The following NXPH1 variants were observed in gnomAD, a reference collection of about 807,000 sequenced individuals.
The protein encoded by NXPH1 is neurexophilin 1.
A neutral mutation model predicts 23.7 loss-of-function variants in NXPH1; 5 were observed. That is an observed-to-expected ratio of 0.21 (90% CI 0.11 to 0.44). The LOEUF is 0.44. Ranked by LOEUF, NXPH1 falls within the 20% of genes least tolerant of loss-of-function variation. The pLI, the probability that NXPH1 is intolerant of heterozygous loss-of-function variation, is 0.99. For missense variants in NXPH1, 324 were observed against 321.6 expected, an observed-to-expected ratio of 1.01 and a Z score of -0.06; for synonymous variants, 144 against 122.2, an observed-to-expected ratio of 1.18 and a Z score of -1.18.
chr7:8,743,772 C>T (rs1780411795), intron 2 of NXPH1, among the ~76,000 whole-genome samples: 1 of 151,732 alleles, frequency 6.6e-6, no homozygotes, highest in Non-Finnish European at 1.5e-5. Context: ...CAAGCTCCGC[C>T]TCCCGAGTTC....
chr7:8,726,043 A>C (rs892396957), intron 2 of NXPH1, among the ~76,000 whole-genome samples: 5 of 152,182 alleles, frequency 3.3e-5, no homozygotes, highest in Non-Finnish European at 7.3e-5. Context: ...AGAGTGTGTT[A>C]ATTTAGGCAT....
At chr7:8,510,965 G>A (rs2128613940) in intron 2 of NXPH1, among the ~76,000 whole-genome samples, 1 of 152,128 alleles carries the variant, frequency 6.6e-6, no homozygotes, top group Admixed American at 6.6e-5. Flanking sequence ...CCTGTAGTAT[G>A]CTGCTACTAG....
chr7:8,657,668 C>T lies in NXPH1; in HGVS notation c.55-93340C>T, dbSNP rs376417293. ...AGCAGCAGGAGATGTCAGGGATATT[C>T]CCAATGTTATAAACTTCAAAAATTA... On this transcript the variant is annotated intron_variant, in intron 2 of 2. Coordinates refer to ENST00000405863, the MANE Select transcript of NXPH1 (RefSeq NM_152745.3). 2.9e-4 allele frequency among the ~76,000 whole-genome samples: 44 copies of T among 152,300 alleles called. 1 individual carries two copies. The South Asian group carries it at 8.7e-3, about 30-fold the overall frequency.
chr7:8,551,483 C>T (rs1319583501), intron 2 of NXPH1, among the ~76,000 whole-genome samples: 7 of 151,372 alleles, frequency 4.6e-5, no homozygotes, highest in Non-Finnish European at 8.9e-5. Context: ...TTTATAATAT[C>T]TTATAAAATG....
intron 2 of NXPH1, among the ~76,000 whole-genome samples, chr7:8,657,005 C>G (rs550182756): frequency 6.6e-6 from 1 of 152,106 alleles, no homozygotes; most frequent in Admixed American, 6.5e-5. Context: ...GAGTAAGATT[C>G]GAGTTTCCAC....
chr7:8,746,390 G>C (rs927589345), intron 2 of NXPH1, among the ~76,000 whole-genome samples: 5 of 152,142 alleles, frequency 3.3e-5, no homozygotes, highest in African/African-American at 1.2e-4. Context: ...GTTCCAGAGA[G>C]GCTTCCTGAC....
chr7:8,587,340 T>G (rs556625365), intron 2 of NXPH1, among the ~76,000 whole-genome samples: 1 of 152,054 alleles, frequency 6.6e-6, no homozygotes, highest in African/African-American at 2.4e-5. Flanking sequence ...TTTGCTATGT[T>G]GCCCAGGCTG....
At chr7:8,734,047 T>G (rs938356620) in intron 2 of NXPH1, among the ~76,000 whole-genome samples, 5 of 152,216 alleles carry the variant, frequency 3.3e-5, no homozygotes, top group Non-Finnish European at 5.9e-5. Context: ...AGTTAATTTT[T>G]GTATAAGGTG....
chr7:8,628,172 ATTACT>A (rs1389568720), intron 2 of NXPH1, among the ~76,000 whole-genome samples: 1 of 152,134 alleles, frequency 6.6e-6, no homozygotes. Flanking sequence ...GAATATGTGG[ATTACT>A]TAGTAACTAC....
At chr7:8,638,365 A>G (rs1434076160) in intron 2 of NXPH1, among the ~76,000 whole-genome samples, 1 of 152,140 alleles carries the variant, frequency 6.6e-6, no homozygotes, top group Non-Finnish European at 1.5e-5. Context: ...CGGGCCAACA[A>G]CCACTGGGGA....
intron 2 of NXPH1, among the ~76,000 whole-genome samples, chr7:8,445,920 A>T (rs1458068456): frequency 6.6e-6 from 1 of 152,234 alleles, no homozygotes; most frequent in Non-Finnish European, 1.5e-5. Flanking sequence ...CAATGGCATG[A>T]TAGCTGAAAT....
At chr7:8,661,930 C>A (rs989791811) in intron 2 of NXPH1, among the ~76,000 whole-genome samples, 8 of 151,446 alleles carry the variant, frequency 5.3e-5, no homozygotes, top group Non-Finnish European at 7.4e-5. Context: ...GTATCCCCCC[C>A]AAAAAACAAA....
chr7:8,637,185 C>T (rs527451707), intron 2 of NXPH1, among the ~76,000 whole-genome samples: 1 of 151,806 alleles, frequency 6.6e-6, no homozygotes, highest in Admixed American at 6.6e-5. Context: ...ATGTCCCTTA[C>T]ACTTCATATT....
chr7:8,686,358 G>A (rs956266867), intron 2 of NXPH1, among the ~76,000 whole-genome samples: 1 of 152,016 alleles, frequency 6.6e-6, no homozygotes, highest in Non-Finnish European at 1.5e-5. Flanking sequence ...TGGTAGTTCA[G>A]GAAAATTTAA....
intron 2 of NXPH1, among the ~76,000 whole-genome samples, chr7:8,647,010 G>T (rs1282316291): frequency 6.6e-6 from 1 of 152,058 alleles, no homozygotes; most frequent in African/African-American, 2.4e-5. Context: ...AGGAGTATCA[G>T]ATGGGACCAT....
chr7:8,600,826 G>T (rs1189092051), intron 2 of NXPH1, among the ~76,000 whole-genome samples: 1 of 151,958 alleles, frequency 6.6e-6, no homozygotes, highest in African/African-American at 2.4e-5. Flanking sequence ...AGTATATACA[G>T]TTGTCCCTCT....
chr7:8,553,482 T>C (rs932372583), intron 2 of NXPH1, among the ~76,000 whole-genome samples: 11 of 151,530 alleles, frequency 7.3e-5, no homozygotes, highest in East Asian at 2.0e-4. Context: ...TTACTTGACA[T>C]AGTCTTGACT....
intron 2 of NXPH1, among the ~76,000 whole-genome samples, chr7:8,457,849 G>GA (rs564413319): frequency 1.3e-5 from 2 of 151,500 alleles, no homozygotes; most frequent in African/African-American, 4.8e-5. Context: ...TAAAATAATT[G>GA]AAAAAAAAGT....
intron 2 of NXPH1, among the ~76,000 whole-genome samples, chr7:8,728,554 G>T (rs1046010108): frequency 1.3e-5 from 2 of 152,252 alleles, no homozygotes; most frequent in East Asian, 1.9e-4. Context: ...ATGAAGGGTT[G>T]TTGAATTTTG....
Sources: allele counts gnomAD v4.1 joint callset (sites outside exome capture counted in the v4.1 genomes callset), GRCh38; gene constraint gnomAD v4.1.1; transcripts MANE v1.5; gene names NCBI Gene and HGNC (gene_info 2026-07-23, HGNC 2026-07-21).